Variants in SPOP observed in about 807,000 individuals in gnomAD.
SPOP encodes the protein speckle type BTB/POZ protein.
A neutral mutation model predicts 45.6 loss-of-function variants in SPOP; 11 were observed. That is an observed-to-expected ratio of 0.24 (90% CI 0.15 to 0.40). SPOP has a LOEUF of 0.40. Ranked by LOEUF, SPOP falls within the 10% of genes least tolerant of loss-of-function variation. The pLI, the probability that SPOP is intolerant of heterozygous loss-of-function variation, is 1.00. For synonymous variants in SPOP, 166 were observed against 166.3 expected, an observed-to-expected ratio of 1.00 and a Z score of 0.01; for missense variants, 152 against 465.6, an observed-to-expected ratio of 0.33 and a Z score of 6.20.
At chr17:49,606,837 T>C (rs2071862205) in intron 8 of SPOP, among the ~76,000 whole-genome samples, 1 of 152,148 alleles carries the variant, frequency 6.6e-6, no homozygotes, top group Non-Finnish European at 1.5e-5. Flanking sequence ...CTGAGATTGG[T>C]TGAGTCCACA....
chr17:49,669,414 C>G (rs907312760), intron 1 of SPOP, among the ~76,000 whole-genome samples: 7 of 101,088 alleles, frequency 6.9e-5, no homozygotes, highest in African/African-American at 2.7e-4. Context: ...CAAGAATGAT[C>G]AATAAAAAAT....
In SPOP at chr17:49,600,249, A is replaced by G. The variant is rs1282246105; in HGVS notation, c.*129T>C. 5.6e-6 allele frequency: 7 copies of G among 1,246,634 alleles called. No individual in the cohort carries two copies. In the Admixed American group the frequency reaches 1.5e-4, roughly 27 times the overall value. 77.2% of individuals were successfully genotyped at this position (1,246,634 alleles called of 1,614,324 possible). A position where few individuals can be genotyped will look rare whatever the true frequency, so the allele number is the denominator to read the frequency against. On this transcript the variant is annotated 3_prime_UTR_variant, in exon 10 of 10. Coordinates refer to ENST00000504102, the MANE Select transcript of SPOP (RefSeq NM_001007228.2). This position sits in a 1 kb window ranked among gnomAD's most constrained non-coding sequence, Gnocchi z 4.2. The stretch of plus-strand genomic sequence containing the variant: ...AGTGCTGTTTTAAAAGTCTGGGGCC[A>G]CAATGCAGTCTCTTCCCCTCACAAC...
intron 1 of SPOP, among the ~76,000 whole-genome samples, chr17:49,639,748 G>C (rs1430256313): frequency 6.6e-6 from 1 of 152,080 alleles, no homozygotes. Context: ...GAAAAATAAG[G>C]ATATGATTAT....
At chr17:49,669,542 G>A (rs1413294958) in intron 1 of SPOP, among the ~76,000 whole-genome samples, 9 of 148,408 alleles carry the variant, frequency 6.1e-5, no homozygotes, top group Middle Eastern at 3.5e-3. Flanking sequence ...TGAGGTGGGC[G>A]GATCACAAGG....
intron 1 of SPOP, among the ~76,000 whole-genome samples, chr17:49,657,235 CA>C (rs1305620029): frequency 6.6e-6 from 1 of 151,314 alleles, no homozygotes; most frequent in Non-Finnish European, 1.5e-5. Context: ...TTACCTTTAT[CA>C]AAATGTCCTT....
At chr17:49,611,723 C>T (rs2071977873) in intron 5 of SPOP, among the ~76,000 whole-genome samples, 1 of 152,114 alleles carries the variant, frequency 6.6e-6, no homozygotes, top group African/African-American at 2.4e-5. Flanking sequence ...ATAAGCTTCA[C>T]CTCCCTTGGA....
In SPOP at chr17:49,619,203, T is replaced by A. The variant is rs75926508; in HGVS notation, c.352+31A>T. On this transcript the variant is annotated intron_variant, in intron 4 of 9. Transcript: ENST00000504102. The surrounding 1 kb of genome is among the most constrained non-coding windows in gnomAD (Gnocchi z 4.9). ...TGTATGAAACTTCTGGATGTGAAAC[T>A]TAAGAGTTGAACAAAGAGGAGAACA... The A allele has an allele frequency of 5.0e-6, 8 of 1,613,854 alleles. No homozygotes were observed. The highest frequency in any genetic ancestry group is 6.8e-6 in the Non-Finnish European group (8 of 1,179,940).
At chr17:49,641,918 C>T (rs1269550132) in intron 1 of SPOP, among the ~76,000 whole-genome samples, 1 of 151,766 alleles carries the variant, frequency 6.6e-6, no homozygotes, top group Non-Finnish European at 1.5e-5. Flanking sequence ...AGCTACTAGT[C>T]AAGAAGCTGA....
chr17:49,658,791 C>T (rs2072948957), intron 1 of SPOP, among the ~76,000 whole-genome samples: 1 of 152,192 alleles, frequency 6.6e-6, no homozygotes, highest in African/African-American at 2.4e-5. Context: ...ACACTGAGAC[C>T]AACATGGTAC....
intron 1 of SPOP, among the ~76,000 whole-genome samples, chr17:49,673,931 G>A (rs1248008086): frequency 1.3e-5 from 2 of 151,902 alleles, no homozygotes; most frequent in African/African-American, 4.8e-5. Context: ...CAGATCATCT[G>A]AGGTCAGGAA....
intron 1 of SPOP, among the ~76,000 whole-genome samples, chr17:49,645,905 C>CA (rs2072750399): frequency 6.6e-6 from 1 of 151,860 alleles, no homozygotes; most frequent in Non-Finnish European, 1.5e-5. Flanking sequence ...TCTCACTGAC[C>CA]AACAGTTGCT....
intron 5 of SPOP, among the ~76,000 whole-genome samples, chr17:49,617,226 A>C (rs1254796892): frequency 1.3e-5 from 2 of 152,226 alleles, no homozygotes; most frequent in East Asian, 3.8e-4. Context: ...CAGTTTAAAG[A>C]TTGGCTTTCA....
rs770118494 is a variant in SPOP, at chr17:49,619,428, T to C, written c.201-43A>G. 6.4e-7 allele frequency: 1 copy of C among 1,573,586 alleles called. No homozygotes were observed. The highest frequency in any genetic ancestry group is 2.0e-5 in the Admixed American group (1 of 50,490). On this transcript the variant is annotated intron_variant, in intron 3 of 9. Transcript: ENST00000504102. The surrounding 1 kb of genome is among the most constrained non-coding windows in gnomAD (Gnocchi z 4.9). ...AAAAAAAAAATGTCAAAAGCATCCA[T>C]TTTGATAGAACTGGAAATCAGACTC...
intron 1 of SPOP, among the ~76,000 whole-genome samples, chr17:49,637,533 T>C (rs1345999828): frequency 6.6e-6 from 1 of 152,148 alleles, no homozygotes; most frequent in African/African-American, 2.4e-5. Flanking sequence ...GTATTTTTAA[T>C]AGAGACGGGA....
intron 6 of SPOP, 105 bp downstream of exon 6, chr17:49,611,175 G>C (rs1275960560): frequency 8.0e-7 from 1 of 1,250,556 alleles, no homozygotes; most frequent in African/African-American, 1.5e-5. Flanking sequence ...AGTTTGTTTT[G>C]TAGTTGAGTT....
intron 6 of SPOP, among the ~76,000 whole-genome samples, chr17:49,610,472 G>C (rs961435032): frequency 2.0e-5 from 3 of 152,202 alleles, no homozygotes; most frequent in Non-Finnish European, 4.4e-5. Flanking sequence ...ACCCGCCTCA[G>C]CCTCCCAAAG....
chr17:49,648,919 G>C (rs1013231835), intron 1 of SPOP, among the ~76,000 whole-genome samples: 2 of 151,960 alleles, frequency 1.3e-5, no homozygotes, highest in African/African-American at 4.8e-5. Context: ...CACCACGCCC[G>C]GCCAATCTTT....
chr17:49,611,515 C>CAGGT, intron 5 of SPOP, 58 bp from the exon 6 acceptor site: 1 of 1,433,112 alleles, frequency 7.0e-7, no homozygotes, highest in Non-Finnish European at 9.4e-7. Context: ...TTTTTGCCAG[C>CAGGT]AGATAGACGA....
chr17:49,646,448 C>T (rs1212968863), intron 1 of SPOP: 1 of 151,792 alleles, frequency 6.6e-6, no homozygotes, highest in African/African-American at 2.4e-5. Flanking sequence ...CCTGTAATCC[C>T]AGCTACTTGG....
Sources: allele counts gnomAD v4.1 joint callset (sites outside exome capture counted in the v4.1 genomes callset), GRCh38; gene constraint gnomAD v4.1.1; non-coding constraint Gnocchi (gnomAD v3.1); transcripts MANE v1.5; gene names NCBI Gene and HGNC (gene_info 2026-07-23, HGNC 2026-07-21).